Variants in PIP5KL1 observed in about 807,000 individuals in gnomAD.
PIP5KL1 encodes the protein phosphatidylinositol 4-phosphate 5-kinase-like protein 1.
Under a neutral mutation model 47.6 loss-of-function variants are expected in PIP5KL1, and 45 were observed. The ratio of observed to expected loss-of-function variants is 0.94; its 90% CI spans 0.74 to 1.21. PIP5KL1 has a LOEUF of 1.21. Ranked by LOEUF, PIP5KL1 falls within the 50% of genes most tolerant of loss-of-function variation. The pLI is 0.00. For missense variants in PIP5KL1, 577 were observed against 547.6 expected (o/e 1.05, Z -0.54); for synonymous variants, 256 against 234.6 (o/e 1.09, Z -0.84).
intron 2 of PIP5KL1, 70 bp from the exon 3 acceptor site, chr9:127,928,553 G>A (rs899274389): frequency 3.5e-6 from 5 of 1,425,690 alleles, no homozygotes; most frequent in Middle Eastern, 1.9e-4. Context: ...ATCTCCAGAT[G>A]TCCTGCACCT....
Position 127,929,850 on chromosome 9 carries a change from T to G in PIP5KL1, c.66A>C (p.Ala22=). Residue 22 remains alanine, a synonymous_variant, in exon 2 of 10, where the codon GCA becomes GCC. Transcript: ENST00000388747. The surrounding 1 kb of genome is among the most constrained non-coding windows in gnomAD (Gnocchi z 4.0). ...LAPSPEAGCR[A]VTSSRRGLLW... The stretch of plus-strand genomic sequence containing the variant: ...GAAGCCCCCGCCGGCTGGAGGTGAC[T>G]GCTCTGCATCCAGCCTCAGGGGAGG... 1.3e-6 allele frequency: 2 copies of G among 1,543,866 alleles called. No homozygotes were observed. Among genetic ancestry groups the G allele is most frequent in the South Asian group, 2.4e-5 (2 of 83,932 alleles).
intron 9 of PIP5KL1, among the ~76,000 whole-genome samples, chr9:127,924,655 CAAAA>C (rs151136722): frequency 1.6e-5 from 1 of 63,604 alleles, no homozygotes; most frequent in Non-Finnish European, 3.5e-5. Flanking sequence ...AACTCCATCT[CAAAA>C]AAAAAAAAAA....
Position 127,925,985 on chromosome 9 carries a change from T to TG in PIP5KL1, c.651-7dup, listed in dbSNP as rs756827882. On this transcript the variant is annotated splice_polypyrimidine_tract_variant and splice_region_variant and intron_variant, in intron 7 of 9. Transcript: ENST00000388747. ...CGCAGCCTTTGATGTCATACCTGGG[T>TG]GGGGGGACAGAATTCAGCTTTACAT... 26 of 1,601,618 alleles carry TG rather than the reference T, an allele frequency of 1.6e-5. No individual in the cohort carries two copies. The highest frequency in any genetic ancestry group is 2.1e-5 in the Non-Finnish European group (25 of 1,171,056).
chr9:127,928,382 G>C, intron 3 of PIP5KL1, 51 bp downstream of exon 3: 1 of 1,564,240 alleles, frequency 6.4e-7, no homozygotes, highest in Non-Finnish European at 8.7e-7. Context: ...CTGCAGAGGA[G>C]AGAGCAAGAC....
In PIP5KL1 at chr9:127,921,676, T is replaced by C. The variant is rs1354745719; in HGVS notation, c.*171A>G. On this transcript the variant is annotated 3_prime_UTR_variant, in exon 10 of 10. Coordinates refer to ENST00000388747, the MANE Select transcript of PIP5KL1 (RefSeq NM_001135219.2). Reference sequence around the variant, plus strand: ...AGTAGGGGAGTCCTTGGCACGATGCTGGGCACGGCACCACCGTCAAACGGG... The same window carrying C: ...AGTAGGGGAGTCCTTGGCACGATGCCGGGCACGGCACCACCGTCAAACGGG... 2.2e-6 allele frequency: 2 copies of C among 909,522 alleles called. No individual in the cohort carries two copies. The highest frequency in any genetic ancestry group is 2.7e-5 in the East Asian group (1 of 37,386). The allele number at this position is 909,522 out of a possible 1,614,324, so 56.3% of individuals were successfully genotyped here.
chr9:127,928,051 T>C lies in PIP5KL1; in HGVS notation c.434+14A>G. ...ACCACTCCCACCCCTGCCCCACCCC[T>C]GCCGCAAGCTCACGACAGGAAGAAG... On this transcript the variant is annotated intron_variant, in intron 4 of 9. Transcript: ENST00000388747. 3 of 955,340 alleles carry C rather than the reference T, an allele frequency of 3.1e-6. No homozygotes were observed. Among genetic ancestry groups the C allele is most frequent in the Non-Finnish European group, 3.1e-6 (2 of 646,000 alleles). 59.2% of individuals were successfully genotyped at this position (955,340 alleles called of 1,614,324 possible). A position where few individuals can be genotyped will look rare whatever the true frequency, so the allele number is the denominator to read the frequency against.
chr9:127,930,723 C>A lies in PIP5KL1; in HGVS notation c.30G>T (p.Glu10Asp). The change falls in exon 1 of 10, where the codon GAG becomes GAT. Residue 10 changes from glutamate (E) to aspartate (D), a missense_variant and splice_region_variant. By Grantham distance (45) the Glu-to-Asp change is conservative (BLOSUM62 2). Coordinates refer to ENST00000388747, the MANE Select transcript of PIP5KL1 (RefSeq NM_001135219.2). MAAPSPGPR[E>D]VLAPSPEAGC... ...TGTCCTCTCTCGGGTCCGCACCTAC[C>A]TCGCGGGGCCCCGGGCTCGGCGCAG... The A allele has an allele frequency of 6.4e-7, 1 of 1,571,814 alleles. No individual in the cohort carries two copies. Among genetic ancestry groups the A allele is most frequent in the East Asian group, 2.4e-5 (1 of 40,836 alleles).
chr9:127,929,587 TCC>T lies in PIP5KL1; in HGVS notation c.228+99_228+100del. The T allele has an allele frequency of 8.3e-7, 1 of 1,205,284 alleles. No homozygotes were observed. The highest frequency in any genetic ancestry group is 1.1e-6 in the Non-Finnish European group (1 of 876,534). 74.7% of individuals were successfully genotyped at this position (1,205,284 alleles called of 1,614,324 possible). ...CCTCTCTGCCTTCCTCCCCTTGATATCCCTCTCTGATCCCCACACCTGCAGTT... is the reference window on the plus strand; with the variant it reads ...CCTCTCTGCCTTCCTCCCCTTGATATCTCTCTGATCCCCACACCTGCAGTT... On this transcript the variant is annotated intron_variant, in intron 2 of 9. Transcript: ENST00000388747. The surrounding 1 kb of genome is among the most constrained non-coding windows in gnomAD (Gnocchi z 4.0).
chr9:127,925,711 G>A (rs994364781), intron 8 of PIP5KL1, 156 bp downstream of exon 8: 4 of 662,372 alleles, frequency 6.0e-6, no homozygotes, highest in African/African-American at 5.4e-5. Flanking sequence ...TAATCCACCT[G>A]TCTCGGCCTC....
At position 127,927,348 on chromosome 9, in the gene PIP5KL1, C is replaced by G; in HGVS notation, c.560-17G>C. ...TGTGCACTCCTGGAAGGGGAGAGGGCGCCGGATGAGGATCCCCAAACTCCA... is the reference window on the plus strand; with the variant it reads ...TGTGCACTCCTGGAAGGGGAGAGGGGGCCGGATGAGGATCCCCAAACTCCA... On this transcript the variant is annotated splice_polypyrimidine_tract_variant and intron_variant, in intron 5 of 9. Coordinates refer to ENST00000388747, the MANE Select transcript of PIP5KL1 (RefSeq NM_001135219.2). This position sits in a 1 kb window ranked among gnomAD's most constrained non-coding sequence, Gnocchi z 5.5. 6.2e-7 allele frequency: 1 copy of G among 1,602,400 alleles called. No homozygotes were observed. Among genetic ancestry groups the G allele is most frequent in the South Asian group, 1.1e-5 (1 of 89,656 alleles).
At position 127,927,386 on chromosome 9, in the gene PIP5KL1, C is replaced by T. The variant is rs1051738570; in HGVS notation, c.560-55G>A. 7 of 1,554,136 alleles carry T rather than the reference C, an allele frequency of 4.5e-6. No homozygotes were observed. The African/African-American group carries it at 8.2e-5, about 18-fold the overall frequency. ...TCCCCAAACTCCACAACCCGGGGTGCATCCGGCGCCAATCCCAGCGCCAGG... is the reference window on the plus strand; with the variant it reads ...TCCCCAAACTCCACAACCCGGGGTGTATCCGGCGCCAATCCCAGCGCCAGG... On this transcript the variant is annotated intron_variant, in intron 5 of 9. Coordinates refer to ENST00000388747, the MANE Select transcript of PIP5KL1 (RefSeq NM_001135219.2). The surrounding 1 kb of genome is among the most constrained non-coding windows in gnomAD (Gnocchi z 5.5).
rs892261324 is a variant in PIP5KL1, at chr9:127,921,615, A to C, written c.*232T>G. On this transcript the variant is annotated 3_prime_UTR_variant, in exon 10 of 10. Transcript: ENST00000388747. Reference sequence around the variant, plus strand: ...CCTCCATTTCATGGTCTGTAAAAAGAGAATAATAGCATTTTTTGAGGATTA... The same window carrying C: ...CCTCCATTTCATGGTCTGTAAAAAGCGAATAATAGCATTTTTTGAGGATTA... 5 of 588,606 alleles carry C rather than the reference A, an allele frequency of 8.5e-6. No homozygotes were observed. Among genetic ancestry groups the C allele is most frequent in the African/African-American group, 7.5e-5 (4 of 53,606 alleles). The allele number at this position is 588,606 out of a possible 1,614,324, so 36.5% of individuals were successfully genotyped here.
At chr9:127,923,902 T>G (rs1831323790) in intron 9 of PIP5KL1, among the ~76,000 whole-genome samples, 1 of 152,202 alleles carries the variant, frequency 6.6e-6, no homozygotes, top group African/African-American at 2.4e-5. Context: ...CGAGCCTCAG[T>G]TCTCACATTT....
rs994820353 is a variant in PIP5KL1 at position 127,921,503 on chromosome 9, C to G, written c.*344G>C. On this transcript the variant is annotated 3_prime_UTR_variant, in exon 10 of 10. Coordinates refer to ENST00000388747, the MANE Select transcript of PIP5KL1 (RefSeq NM_001135219.2). The stretch of plus-strand genomic sequence containing the variant: ...CTGCAGGAGCTGGTGGTTAAGAATA[C>G]AGGCTCCGGAATCCAAAAGCCATGG... 1.4e-4 allele frequency: 31 copies of G among 226,448 alleles called. No homozygotes were observed. The highest frequency in any genetic ancestry group is 1.0e-3 in the South Asian group (13 of 12,492). 14.0% of individuals were successfully genotyped at this position (226,448 alleles called of 1,614,324 possible). A position where few individuals can be genotyped will look rare whatever the true frequency, so the allele number is the denominator to read the frequency against.
Position 127,928,300 on chromosome 9 carries a change from G to T in PIP5KL1, c.280-81C>A, listed in dbSNP as rs1009654318. ...GTTGGTCCTGGGACAGGAGGGTCAG[G>T]GTGACCACACCCTTCCTGCAAGGCT... On this transcript the variant is annotated intron_variant, in intron 3 of 9. Transcript: ENST00000388747. 4.6e-6 allele frequency: 7 copies of T among 1,538,382 alleles called. No homozygotes were observed. In the African/African-American group the frequency reaches 5.5e-5, roughly 12 times the overall value.
rs555204746 is a variant in PIP5KL1 at position 127,929,533 on chromosome 9, G to C, written c.228+155C>G. Among the ~76,000 whole-genome samples the C allele has an allele frequency of 4.6e-5, 7 of 151,840 alleles. No individual in the cohort carries two copies. Among genetic ancestry groups the C allele is most frequent in the Non-Finnish European group, 8.8e-5 (6 of 67,936 alleles). On this transcript the variant is annotated intron_variant, in intron 2 of 9. Transcript: ENST00000388747. This position sits in a 1 kb window ranked among gnomAD's most constrained non-coding sequence, Gnocchi z 4.0. ...CTCACACCCCCAACGCACCCCAGAC[G>C]TTCCAGCTCCCACACCACAATGTTC...
In PIP5KL1 at chr9:127,930,740, T is replaced by TCGGCGCAGCCATCGC. The variant is rs1467594303; in HGVS notation, c.-3_12dup (p.Pro4_Ser5insAlaMetAlaAlaPro). 3 of 1,563,368 alleles carry TCGGCGCAGCCATCGC rather than the reference T, an allele frequency of 1.9e-6. No individual in the cohort carries two copies. The East Asian group carries it at 7.4e-5, about 39-fold the overall frequency. The stretch of plus-strand genomic sequence containing the variant: ...GCACCTACCTCGCGGGGCCCCGGGC[T>TCGGCGCAGCCATCGC]CGGCGCAGCCATCGCCCCCGCAGCA... On this transcript the variant is annotated inframe_insertion, in exon 1 of 10. Coordinates refer to ENST00000388747, the MANE Select transcript of PIP5KL1 (RefSeq NM_001135219.2).
chr9:127,924,988 C>T, intron 9 of PIP5KL1, 119 bp downstream of exon 9: 1 of 1,381,978 alleles, frequency 7.2e-7, no homozygotes, highest in South Asian at 1.3e-5. Context: ...ACAAACTCTG[C>T]ACTTTCCAGC....
At chr9:127,928,303 G>T in intron 3 of PIP5KL1, 84 bp from the exon 4 acceptor site, 1 of 1,538,220 alleles carries the variant, frequency 6.5e-7, no homozygotes, top group South Asian at 1.2e-5. Flanking sequence ...GGGTCAGGGT[G>T]ACCACACCCT....
Sources: allele counts gnomAD v4.1 joint callset (sites outside exome capture counted in the v4.1 genomes callset), GRCh38; gene constraint gnomAD v4.1.1; non-coding constraint Gnocchi (gnomAD v3.1); transcripts MANE v1.5; gene names NCBI Gene and HGNC (gene_info 2026-07-23, HGNC 2026-07-21).